DPYSL3: variants seen among roughly 807,000 people sequenced by gnomAD.
DPYSL3 encodes the protein dihydropyrimidinase like 3.
Under a neutral mutation model 66.1 loss-of-function variants are expected in DPYSL3, and 16 were observed. The observed-to-expected ratio is 0.24, with a 90% CI of 0.16 to 0.37. The LOEUF (loss-of-function observed/expected upper bound fraction) is 0.37, where lower values mean the gene tolerates loss of function less well. DPYSL3 is among the 10% of genes least tolerant of loss of function. The probability of loss-of-function intolerance (pLI) is 1.00; values close to 1 mark genes in which losing one functional copy is unlikely to be tolerated. For missense variants in DPYSL3, 738 were observed against 916.2 expected, an observed-to-expected ratio of 0.81 and a Z score of 2.51; for synonymous variants, 338 against 345.1, an observed-to-expected ratio of 0.98 and a Z score of 0.23.
In DPYSL3 at chr5:147,436,297, T is replaced by C. The variant is rs565775707; in HGVS notation, c.382-11334A>G. Among the ~76,000 whole-genome samples, 7 of 152,308 alleles carry C rather than the reference T, an allele frequency of 4.6e-5. No individual in the cohort carries two copies. In the South Asian group the frequency reaches 1.2e-3, roughly 27 times the overall value. On this transcript the variant is annotated intron_variant, in intron 1 of 13. Coordinates refer to ENST00000343218, the MANE Select transcript of DPYSL3 (RefSeq NM_001197294.2). ...ATAAACTATGATATCACCACAAATA[T>C]GGATTATGATTATTATGGCCACCTT...
At chr5:147,423,401 C>G (rs1752123806) in intron 2 of DPYSL3, among the ~76,000 whole-genome samples, 2 of 152,202 alleles carry the variant, frequency 1.3e-5, no homozygotes, top group East Asian at 3.9e-4. Flanking sequence ...TATTTACACT[C>G]TATGTGCTGC....
At chr5:147,487,918 G>A (rs1047787399) in intron 1 of DPYSL3, among the ~76,000 whole-genome samples, 10 of 152,136 alleles carry the variant, frequency 6.6e-5, no homozygotes, top group African/African-American at 1.9e-4. Context: ...AGTGCACTAC[G>A]ATGGTCTGGC....
chr5:147,445,486 T>TA (rs1752613995), intron 1 of DPYSL3, among the ~76,000 whole-genome samples: 1 of 152,204 alleles, frequency 6.6e-6, no homozygotes, highest in Non-Finnish European at 1.5e-5. Flanking sequence ...AGGTAAGTGT[T>TA]AAATATATCC....
intron 1 of DPYSL3, among the ~76,000 whole-genome samples, chr5:147,443,724 G>A (rs1752577309): frequency 1.3e-5 from 2 of 152,082 alleles, no homozygotes; most frequent in Admixed American, 1.3e-4. Flanking sequence ...AGAGAATGGG[G>A]CATGCAGTGT....
intron 1 of DPYSL3, among the ~76,000 whole-genome samples, chr5:147,496,704 C>T (rs1411643128): frequency 2.0e-5 from 3 of 151,984 alleles, no homozygotes; most frequent in African/African-American, 7.3e-5. Context: ...AATGAGATAC[C>T]ATCTCACACC....
chr5:147,509,166 G>A lies in DPYSL3; in HGVS notation c.381+312C>T, dbSNP rs755771859. 2.0e-4 allele frequency among the ~76,000 whole-genome samples: 30 copies of A among 152,166 alleles called. No homozygotes were observed. Among genetic ancestry groups the A allele is most frequent in the Non-Finnish European group, 4.0e-4 (27 of 68,036 alleles). On this transcript the variant is annotated intron_variant, in intron 1 of 13. Coordinates refer to ENST00000343218, the MANE Select transcript of DPYSL3 (RefSeq NM_001197294.2). This position sits in a 1 kb window ranked among gnomAD's most constrained non-coding sequence, Gnocchi z 5.3. ...GAGCTGGAAATCACTAAGCCTTCCCGGGCTGACACACCCACCCAGACCGGA... is the reference window on the plus strand; with the variant it reads ...GAGCTGGAAATCACTAAGCCTTCCCAGGCTGACACACCCACCCAGACCGGA...
In DPYSL3 at chr5:147,475,949, G is replaced by C. The variant is rs145834668; in HGVS notation, c.381+33529C>G. The stretch of plus-strand genomic sequence containing the variant: ...TTCTGCAGATAACAATAGTAATAAT[G>C]ATGGGAAGTAAAATTATTAAATATC... On this transcript the variant is annotated intron_variant, in intron 1 of 13. Coordinates refer to ENST00000343218, the MANE Select transcript of DPYSL3 (RefSeq NM_001197294.2). Among the ~76,000 whole-genome samples, 202 of 152,208 alleles carry C rather than the reference G, an allele frequency of 1.3e-3. 1 individual carries two copies. The East Asian group carries it at 0.025, about 18-fold the overall frequency.
At chr5:147,443,701 T>G (rs1752576747) in intron 1 of DPYSL3, among the ~76,000 whole-genome samples, 1 of 151,926 alleles carries the variant, frequency 6.6e-6, no homozygotes, top group Non-Finnish European at 1.5e-5. Context: ...GAATCTTACT[T>G]AAGATATATT....
At chr5:147,411,010 G>A (rs1400741897) in intron 6 of DPYSL3, among the ~76,000 whole-genome samples, 1 of 152,180 alleles carries the variant, frequency 6.6e-6, no homozygotes, top group Non-Finnish European at 1.5e-5. Context: ...TTGGATTGAA[G>A]TCCATCTGCC....
At chr5:147,478,105 A>G (rs1753186009) in intron 1 of DPYSL3, among the ~76,000 whole-genome samples, 1 of 152,156 alleles carries the variant, frequency 6.6e-6, no homozygotes, top group South Asian at 2.1e-4. Flanking sequence ...ATCCTAAGTT[A>G]TGCACTACAT....
chr5:147,422,954 A>T (rs535239094), intron 2 of DPYSL3, among the ~76,000 whole-genome samples: 1 of 152,132 alleles, frequency 6.6e-6, no homozygotes, highest in Non-Finnish European at 1.5e-5. Flanking sequence ...ATACCTATGT[A>T]ACAAACCTGC....
intron 8 of DPYSL3, among the ~76,000 whole-genome samples, chr5:147,402,912 C>T (rs1327099592): frequency 1.3e-5 from 2 of 152,186 alleles, no homozygotes; most frequent in African/African-American, 4.8e-5. Context: ...CCAAGTTTCT[C>T]TATGCCAAAA....
chr5:147,404,956 A>G (rs1191347142), intron 8 of DPYSL3, among the ~76,000 whole-genome samples: 2 of 152,184 alleles, frequency 1.3e-5, no homozygotes, highest in African/African-American at 2.4e-5. Flanking sequence ...GGATGAGCAC[A>G]TGACCCAAGC....
chr5:147,477,860 G>T (rs1456783546), intron 1 of DPYSL3, among the ~76,000 whole-genome samples: 1 of 152,132 alleles, frequency 6.6e-6, no homozygotes, highest in African/African-American at 2.4e-5. Context: ...GGGATTACAG[G>T]CGTGAGCCAC....
chr5:147,398,902 G>A (rs1377188394), intron 11 of DPYSL3, among the ~76,000 whole-genome samples, 180 bp downstream of exon 11: 1 of 152,232 alleles, frequency 6.6e-6, no homozygotes, highest in Non-Finnish European at 1.5e-5. Flanking sequence ...GAGCCCATCT[G>A]CTTTGGAAAG....
intron 1 of DPYSL3, among the ~76,000 whole-genome samples, chr5:147,439,718 A>G (rs562519010): frequency 6.6e-5 from 10 of 152,230 alleles, no homozygotes; most frequent in South Asian, 4.2e-4. Context: ...AGTGAGGGTG[A>G]TGACAGTGAT....
intron 4 of DPYSL3, among the ~76,000 whole-genome samples, chr5:147,414,155 G>A (rs796239238): frequency 3.2e-4 from 48 of 152,302 alleles, no homozygotes; most frequent in African/African-American, 1.1e-3. Context: ...TATTAAAGGA[G>A]AGAATACATA....
intron 1 of DPYSL3, among the ~76,000 whole-genome samples, chr5:147,503,508 G>C (rs879695349): frequency 2.6e-5 from 4 of 152,056 alleles, no homozygotes; most frequent in Non-Finnish European, 5.9e-5. Flanking sequence ...GCCCAGTCTG[G>C]TCTCAAACTC....
At chr5:147,489,893 T>C (rs1183608664) in intron 1 of DPYSL3, among the ~76,000 whole-genome samples, 2 of 152,106 alleles carry the variant, frequency 1.3e-5, no homozygotes, top group Admixed American at 1.3e-4. Flanking sequence ...CTTACCATTA[T>C]ACAATATACT....
Sources: allele counts gnomAD v4.1 joint callset (sites outside exome capture counted in the v4.1 genomes callset), GRCh38; gene constraint gnomAD v4.1.1; non-coding constraint Gnocchi (gnomAD v3.1); transcripts MANE v1.5; gene names NCBI Gene and HGNC (gene_info 2026-07-23, HGNC 2026-07-21).